SLC25A21: variants seen among roughly 807,000 people sequenced by gnomAD.
SLC25A21 encodes the protein solute carrier family 25 member 21, also known as mitochondrial 2-oxodicarboxylate carrier.
SLC25A21 carries 47 observed loss-of-function variants against 43.8 expected under a neutral mutation model. That is an observed-to-expected ratio of 1.07 (90% CI 0.85 to 1.37). SLC25A21 has a LOEUF of 1.37. Ranked by LOEUF, SLC25A21 falls within the 40% of genes most tolerant of loss-of-function variation. SLC25A21 has a pLI of 0.00. For missense variants in SLC25A21, 352 were observed against 350.2 expected (o/e 1.00, Z -0.04); for synonymous variants, 131 against 121.3 (o/e 1.08, Z -0.52).
At chr14:37,082,761 C>G (rs916862531) in intron 1 of SLC25A21, among the ~76,000 whole-genome samples, 1 of 152,118 alleles carries the variant, frequency 6.6e-6, no homozygotes, top group Non-Finnish European at 1.5e-5. Flanking sequence ...TTAGCAGATC[C>G]CTTTCTGTAG....
At chr14:36,717,603 G>A (rs1044703278) in intron 6 of SLC25A21, among the ~76,000 whole-genome samples, 1 of 152,218 alleles carries the variant, frequency 6.6e-6, no homozygotes, top group Non-Finnish European at 1.5e-5. Context: ...GAGGAAGAAA[G>A]GTGACAGTGC....
intron 1 of SLC25A21, among the ~76,000 whole-genome samples, chr14:37,010,692 T>A (rs943509285): frequency 8.5e-5 from 13 of 152,068 alleles, no homozygotes; most frequent in African/African-American, 3.1e-4. Flanking sequence ...AATGTTTAAA[T>A]GTATATTTAA....
intron 1 of SLC25A21, among the ~76,000 whole-genome samples, chr14:37,110,160 T>C (rs1962992331): frequency 6.6e-6 from 1 of 152,204 alleles, no homozygotes; most frequent in Non-Finnish European, 1.5e-5. Context: ...CTTCAGACTT[T>C]CTAATCATGC....
intron 1 of SLC25A21, among the ~76,000 whole-genome samples, chr14:37,033,291 G>C (rs1961258961): frequency 6.6e-6 from 1 of 152,112 alleles, no homozygotes; most frequent in Non-Finnish European, 1.5e-5. Context: ...CACATGACAG[G>C]ATTTTAATCT....
At chr14:36,977,649 G>T (rs1032377167) in intron 1 of SLC25A21, among the ~76,000 whole-genome samples, 1 of 152,074 alleles carries the variant, frequency 6.6e-6, no homozygotes, top group African/African-American at 2.4e-5. Context: ...TGCAAGGGGG[G>T]CCTTGTAAAA....
chr14:36,707,658 G>T (rs1273493672), intron 7 of SLC25A21, among the ~76,000 whole-genome samples: 1 of 152,232 alleles, frequency 6.6e-6, no homozygotes, highest in Non-Finnish European at 1.5e-5. Context: ...GGAGGCTAAA[G>T]CTTGGAAATG....
chr14:37,125,255 G>A (rs1021329608), intron 1 of SLC25A21, among the ~76,000 whole-genome samples: 3 of 152,140 alleles, frequency 2.0e-5, no homozygotes, highest in Non-Finnish European at 2.9e-5. Context: ...AGAACAAATG[G>A]CATCTGCAAA....
chr14:37,042,053 GT>G (rs1416540985), intron 1 of SLC25A21, among the ~76,000 whole-genome samples: 4 of 152,170 alleles, frequency 2.6e-5, no homozygotes, highest in African/African-American at 9.7e-5. Flanking sequence ...TCCCGTGTAA[GT>G]TTTTTCCTCA....
chr14:36,942,360 GAACT>G (rs894099293), intron 1 of SLC25A21, among the ~76,000 whole-genome samples: 8 of 152,162 alleles, frequency 5.3e-5, no homozygotes, highest in African/African-American at 1.9e-4. Context: ...AAGCTTCGCT[GAACT>G]ATCTTGGGAC....
intron 1 of SLC25A21, among the ~76,000 whole-genome samples, chr14:36,927,983 C>T (rs1892178582): frequency 6.6e-6 from 1 of 152,066 alleles, no homozygotes; most frequent in African/African-American, 2.4e-5. Flanking sequence ...AGCATACAAC[C>T]GAGGCAGTGG....
chr14:36,680,450 T>C lies in SLC25A21; in HGVS notation c.*208A>G, dbSNP rs1882181299. The C allele has an allele frequency of 8.4e-7, 1 of 1,191,672 alleles. No individual in the cohort carries two copies. The highest frequency in any genetic ancestry group is 1.0e-6 in the Non-Finnish European group (1 of 956,572). The allele number at this position is 1,191,672 out of a possible 1,614,324, so 73.8% of individuals were successfully genotyped here. A position where few individuals can be genotyped will look rare whatever the true frequency, so the allele number is the denominator to read the frequency against. On this transcript the variant is annotated 3_prime_UTR_variant, in exon 10 of 10. Coordinates refer to ENST00000331299, the MANE Select transcript of SLC25A21 (RefSeq NM_030631.4). ...TTAAATACCTCATTGTTTCATATTA[T>C]TTTTTTCTTCTCACAGTTTTATTTA...
At chr14:37,056,048 A>T (rs965377240) in intron 1 of SLC25A21, among the ~76,000 whole-genome samples, 5 of 152,068 alleles carry the variant, frequency 3.3e-5, no homozygotes, top group African/African-American at 1.2e-4. Flanking sequence ...AGTGTGCAGC[A>T]CATCCTCCTT....
intron 1 of SLC25A21, among the ~76,000 whole-genome samples, chr14:37,031,007 G>A (rs913654381): frequency 3.9e-5 from 6 of 152,116 alleles, no homozygotes; most frequent in Non-Finnish European, 8.8e-5. Context: ...AAGGGATATG[G>A]AATTCCAAAG....
chr14:36,852,655 G>C (rs570406200), intron 2 of SLC25A21, among the ~76,000 whole-genome samples: 25 of 152,294 alleles, frequency 1.6e-4, no homozygotes, highest in African/African-American at 5.8e-4. Flanking sequence ...TGGCGTGTGT[G>C]TATGTGTGAG....
chr14:36,709,084 T>C (rs1231933181), intron 7 of SLC25A21, among the ~76,000 whole-genome samples: 2 of 151,766 alleles, frequency 1.3e-5, no homozygotes, highest in African/African-American at 4.8e-5. Flanking sequence ...CTCGGCTCAC[T>C]GCAGCCTCCA....
At chr14:37,171,533 CTG>C (rs1224354109) in intron 1 of SLC25A21, among the ~76,000 whole-genome samples, 2 of 152,000 alleles carry the variant, frequency 1.3e-5, no homozygotes, top group Non-Finnish European at 2.9e-5. Flanking sequence ...AAATGCATGA[CTG>C]TAAGATAAAA....
chr14:36,873,847 AAGGAGGCC>A (rs1372273014), intron 2 of SLC25A21, among the ~76,000 whole-genome samples: 2 of 152,180 alleles, frequency 1.3e-5, no homozygotes, highest in African/African-American at 4.8e-5. Context: ...ATACAGCAAG[AAGGAGGCC>A]CTCTACAGTT....
At chr14:37,016,119 T>C (rs1281455389) in intron 1 of SLC25A21, among the ~76,000 whole-genome samples, 4 of 152,268 alleles carry the variant, frequency 2.6e-5, no homozygotes, top group Admixed American at 6.5e-5. Context: ...TCCTTGCCCA[T>C]GCCTATGTCC....
At position 36,861,945 on chromosome 14, in the gene SLC25A21, C is replaced by T. The variant is rs530952369; in HGVS notation, c.119+13011G>A. ...ACAAACAACCCCATAAAAAAGTGCACGAAGGACATGAACAGACAGTTCTCA... is the reference window on the plus strand; with the variant it reads ...ACAAACAACCCCATAAAAAAGTGCATGAAGGACATGAACAGACAGTTCTCA... On this transcript the variant is annotated intron_variant, in intron 2 of 9. Coordinates refer to ENST00000331299, the MANE Select transcript of SLC25A21 (RefSeq NM_030631.4). 9.2e-5 allele frequency among the ~76,000 whole-genome samples: 14 copies of T among 152,084 alleles called. No individual in the cohort carries two copies. In the South Asian group the frequency reaches 1.2e-3, roughly 14 times the overall value.
Sources: allele counts gnomAD v4.1 joint callset (sites outside exome capture counted in the v4.1 genomes callset), GRCh38; gene constraint gnomAD v4.1.1; transcripts MANE v1.5; gene names NCBI Gene and HGNC (gene_info 2026-07-23, HGNC 2026-07-21).